DNAI3: variants seen among roughly 807,000 people sequenced by gnomAD.
DNAI3 encodes dynein axonemal intermediate chain 3.
DNAI3 carries 83 observed loss-of-function variants against 115.5 expected under a neutral mutation model. The observed-to-expected ratio is 0.72, with a 90% CI of 0.60 to 0.86. The LOEUF (loss-of-function observed/expected upper bound fraction) is 0.86. DNAI3 is among the 40% of genes least tolerant of loss of function. The pLI, the probability that DNAI3 is intolerant of heterozygous loss-of-function variation, is 0.00. For synonymous variants in DNAI3, 320 were observed against 347.0 expected (o/e 0.92, Z 0.86); for missense variants, 1,004 against 1,075.8 (o/e 0.93, Z 0.93).
intron 8 of DNAI3, among the ~76,000 whole-genome samples, chr1:85,090,996 T>A (rs1654955658): frequency 6.6e-6 from 1 of 152,252 alleles, no homozygotes. Flanking sequence ...TCTTTCATAC[T>A]GGATTAAATA....
chr1:85,093,712 T>C, intron 9 of DNAI3, 64 bp downstream of exon 9: 2 of 1,596,474 alleles, frequency 1.3e-6, no homozygotes, highest in Non-Finnish European at 1.7e-6. Flanking sequence ...TGCTTTCATA[T>C]GTAAAATTGC....
intron 8 of DNAI3, among the ~76,000 whole-genome samples, chr1:85,091,531 C>T (rs923202420): frequency 2.0e-5 from 3 of 152,182 alleles, no homozygotes; most frequent in African/African-American, 7.2e-5. Context: ...AACATAACTT[C>T]CAGCTTTAAA....
chr1:85,087,282 G>A (rs954415244), intron 7 of DNAI3, among the ~76,000 whole-genome samples: 9 of 151,418 alleles, frequency 5.9e-5, no homozygotes, highest in Admixed American at 2.6e-4. Context: ...CTAAAAATAC[G>A]CAAATTAGCC....
At position 85,069,623 on chromosome 1, in the gene DNAI3, C is replaced by T. The variant is rs548653946; in HGVS notation, c.-14-2305C>T. On this transcript the variant is annotated intron_variant, in intron 1 of 22. Coordinates refer to ENST00000294664, the MANE Select transcript of DNAI3 (RefSeq NM_145172.5). Reference sequence around the variant, plus strand: ...GGTTGATCTCGAACTCCTGACCTCGCGATCCACCCACCTCGGCCTCCCAAA... The same window carrying T: ...GGTTGATCTCGAACTCCTGACCTCGTGATCCACCCACCTCGGCCTCCCAAA... Among the ~76,000 whole-genome samples the T allele has an allele frequency of 1.7e-4, 26 of 152,036 alleles. No individual in the cohort carries two copies. In the South Asian group the frequency reaches 3.1e-3, roughly 18 times the overall value.
At chr1:85,085,655 G>A (rs539246452) in intron 6 of DNAI3, among the ~76,000 whole-genome samples, 176 bp from the exon 7 acceptor site, 1 of 152,312 alleles carries the variant, frequency 6.6e-6, no homozygotes, top group South Asian at 2.1e-4. Flanking sequence ...AATAGCCCTA[G>A]AGCAGCCCTC....
At chr1:85,101,132 A>AT (rs202056917) in intron 13 of DNAI3, among the ~76,000 whole-genome samples, 17 of 96,574 alleles carry the variant, frequency 1.8e-4, no homozygotes, top group South Asian at 6.3e-4. Flanking sequence ...TAATAATAAA[A>AT]TTAAAAAAAA....
chr1:85,133,040 A>G lies in DNAI3; in HGVS notation c.*42A>G, dbSNP rs545958043. ...GGTGTTTTGGGGACTTCTTCCCTCT[A>G]TTTATTTTTATGTCAGGTGAACTGG... On this transcript the variant is annotated 3_prime_UTR_variant, in exon 23 of 23. Transcript: ENST00000294664. The G allele has an allele frequency of 1.3e-5, 21 of 1,577,432 alleles. No homozygotes were observed. The South Asian group carries it at 2.4e-4, about 18-fold the overall frequency.
At chr1:85,102,697 A>G (rs1423477684) in intron 13 of DNAI3, among the ~76,000 whole-genome samples, 1 of 152,216 alleles carries the variant, frequency 6.6e-6, no homozygotes, top group Admixed American at 6.5e-5. Flanking sequence ...TTTGACCAGT[A>G]ATTCCAATTT....
intron 3 of DNAI3, among the ~76,000 whole-genome samples, chr1:85,078,426 T>C (rs1029916663): frequency 6.6e-5 from 10 of 152,244 alleles, no homozygotes; most frequent in Non-Finnish European, 1.5e-4. Flanking sequence ...ACATTGTCCT[T>C]GTGATTGGCA....
Position 85,108,036 on chromosome 1 carries a change from AAT to A in DNAI3, c.1560_1561del (p.Ile520MetfsTer6). On this transcript the variant is annotated frameshift_variant, in exon 15 of 23. Coordinates refer to ENST00000294664, the MANE Select transcript of DNAI3 (RefSeq NM_145172.5). LOFTEE classifies it high-confidence loss of function. ...AATATATATAAATTTTTTTTAGCAC[AAT>A]ATGTTTTTGGGATATTAGACCACAG... ...QLVTCSADCTICFWDIRPQKP... is the reference protein window; with the variant it reads ...QLVTCSADCTXCFWDIRPQKP... 1 of 1,558,220 alleles carries A rather than the reference AAT, an allele frequency of 6.4e-7. No individual in the cohort carries two copies. The highest frequency in any genetic ancestry group is 2.1e-5 in the Admixed American group (1 of 47,742).
intron 16 of DNAI3, among the ~76,000 whole-genome samples, chr1:85,112,048 T>C (rs577541326): frequency 3.5e-5 from 5 of 143,876 alleles, no homozygotes; most frequent in Admixed American, 2.1e-4. Context: ...AATCATACAG[T>C]ATATACTCTT....
chr1:85,101,762 C>G (rs1446516247), intron 13 of DNAI3, among the ~76,000 whole-genome samples: 2 of 113,662 alleles, frequency 1.8e-5, no homozygotes, highest in Non-Finnish European at 3.8e-5. Flanking sequence ...AGGAAAATAA[C>G]AAATCATACA....
In DNAI3 at chr1:85,086,050, A is replaced by G. The variant is rs2100572425; in HGVS notation, c.740+20A>G. 3.7e-6 allele frequency: 6 copies of G among 1,605,048 alleles called. No homozygotes were observed. Among genetic ancestry groups the G allele is most frequent in the Middle Eastern group, 1.7e-4 (1 of 6,012 alleles). On this transcript the variant is annotated intron_variant, in intron 7 of 22. Coordinates refer to ENST00000294664, the MANE Select transcript of DNAI3 (RefSeq NM_145172.5). ...AAAATGGTAAGTATGTGATGGGTGTATGTAATTTTATAGCCAGTTACAGTA... is the reference window on the plus strand; with the variant it reads ...AAAATGGTAAGTATGTGATGGGTGTGTGTAATTTTATAGCCAGTTACAGTA...
chr1:85,082,261 A>G (rs1477808416), intron 4 of DNAI3, 39 bp from the exon 5 acceptor site: 2 of 1,495,358 alleles, frequency 1.3e-6, no homozygotes, highest in African/African-American at 2.8e-5. Flanking sequence ...CTGAATGACC[A>G]TTGAACATTA....
At chr1:85,074,091 C>G (rs1413895241) in intron 3 of DNAI3, among the ~76,000 whole-genome samples, 1 of 152,122 alleles carries the variant, frequency 6.6e-6, no homozygotes, top group African/African-American at 2.4e-5. Context: ...CCTCCCTACC[C>G]CTTTCAAACC....
chr1:85,118,057 G>A (rs1009581484), intron 17 of DNAI3, among the ~76,000 whole-genome samples, 198 bp downstream of exon 17: 1 of 151,986 alleles, frequency 6.6e-6, no homozygotes, highest in African/African-American at 2.4e-5. Flanking sequence ...GAACGTATGT[G>A]GACAAATCTG....
In DNAI3 at chr1:85,096,016, G is replaced by A; in HGVS notation, c.1259G>A (p.Gly420Glu). ...PNIIAGGCIN[G>E]QIVMWDITAH... Reference sequence around the variant, plus strand: ...ATCATTGCTGGAGGCTGTATCAATGGGCAGGTACTTAACAGAATTTTTTTC... The same window carrying A: ...ATCATTGCTGGAGGCTGTATCAATGAGCAGGTACTTAACAGAATTTTTTTC... Residue 420 changes from glycine to glutamate, a missense_variant, in exon 11 of 23, where the codon GGG (glycine) becomes GAG (glutamate). Transcript: ENST00000294664. 1 of 1,613,496 alleles carries A rather than the reference G, an allele frequency of 6.2e-7. No individual in the cohort carries two copies. Among genetic ancestry groups the A allele is most frequent in the Non-Finnish European group, 8.5e-7 (1 of 1,179,674 alleles).
At chr1:85,085,455 G>A (rs949713898) in intron 6 of DNAI3, among the ~76,000 whole-genome samples, 6 of 152,184 alleles carry the variant, frequency 3.9e-5, no homozygotes, top group Non-Finnish European at 7.4e-5. Context: ...TGCACTCTCA[G>A]GCAAAAGTCT....
At chr1:85,130,712 GATAGATAA>G (rs1251842541) in intron 22 of DNAI3, among the ~76,000 whole-genome samples, 18 of 116,196 alleles carry the variant, frequency 1.5e-4, no homozygotes, top group Non-Finnish European at 2.2e-4. Flanking sequence ...TAGATAGATA[GATAGATAA>G]ATAGATATGA....
Sources: gnomAD v4.1 joint callset for allele counts (sites outside exome capture counted in the v4.1 genomes callset) on GRCh38, gnomAD v4.1.1 for gene constraint, MANE v1.5 for transcripts, NCBI Gene and HGNC (gene_info 2026-07-23, HGNC 2026-07-21) for gene names.